Variants in TRIM2 observed in about 807,000 individuals in gnomAD.
The protein encoded by TRIM2 is tripartite motif containing 2.
Under a neutral mutation model 75.2 loss-of-function variants are expected in TRIM2, and 20 were observed. That is an observed-to-expected ratio of 0.27 (90% CI 0.19 to 0.39). The LOEUF (loss-of-function observed/expected upper bound fraction) is 0.39, where lower values mean the gene tolerates loss of function less well. Among genes scored for constraint, TRIM2 ranks in the 10% least tolerant of loss-of-function variants. The pLI, the probability that TRIM2 is intolerant of heterozygous loss-of-function variation, is 1.00. For missense variants in TRIM2, 660 were observed against 990.8 expected (o/e 0.67, Z 4.48); for synonymous variants, 373 against 388.3 (o/e 0.96, Z 0.46).
intron 1 of TRIM2, among the ~76,000 whole-genome samples, chr4:153,225,226 A>G (rs1741788075): frequency 6.6e-6 from 1 of 152,198 alleles, no homozygotes; most frequent in South Asian, 2.1e-4. Flanking sequence ...TTTATATCAA[A>G]TATGTCTTAG....
chr4:153,335,241 T>C lies in TRIM2; in HGVS notation c.*275T>C, dbSNP rs1435478929. On this transcript the variant is annotated 3_prime_UTR_variant, in exon 12 of 12. Transcript: ENST00000338700. ...GCTTAAGGGACAGGATTTATGTAGC[T>C]AAACTAATTTTGCAAATCAAACAGA... The C allele has an allele frequency of 9.0e-7, 1 of 1,107,796 alleles. No homozygotes were observed. Among genetic ancestry groups the C allele is most frequent in the African/African-American group, 1.7e-5 (1 of 60,268 alleles). The allele number at this position is 1,107,796 out of a possible 1,614,324, so 68.6% of individuals were successfully genotyped here.
intron 7 of TRIM2, 121 bp from the exon 8 acceptor site, chr4:153,315,711 T>G: frequency 6.8e-7 from 1 of 1,467,650 alleles, no homozygotes; most frequent in Admixed American, 1.9e-5. Context: ...TTATGTAGAC[T>G]TTTCTTCAAA....
intron 1 of TRIM2, among the ~76,000 whole-genome samples, chr4:153,168,257 A>G (rs1287389856): frequency 6.6e-6 from 1 of 152,232 alleles, no homozygotes; most frequent in Non-Finnish European, 1.5e-5. Context: ...AAATATTTCT[A>G]TAAGGAAAGT....
intron 6 of TRIM2, among the ~76,000 whole-genome samples, chr4:153,312,216 T>A (rs1487542579): frequency 6.6e-6 from 1 of 151,774 alleles, no homozygotes; most frequent in Non-Finnish European, 1.5e-5. Context: ...TTTCCAATTT[T>A]ATCCATGTCC....
chr4:153,184,613 A>T (rs1732408142), intron 1 of TRIM2, among the ~76,000 whole-genome samples: 1 of 152,148 alleles, frequency 6.6e-6, no homozygotes, highest in South Asian at 2.1e-4. Context: ...CAGTCTCCCC[A>T]GTGTGGCCTG....
chr4:153,152,393 CATATATATATGTGTGTATATATAT>C (rs917361663), upstream of TRIM2: 22 of 88,912 alleles, frequency 2.5e-4, no homozygotes, highest in African/African-American at 8.3e-4. Flanking sequence ...TCTTTTTATA[CATATATATATGTGTGTATATATAT>C]ATATATATAT....
intron 8 of TRIM2, among the ~76,000 whole-genome samples, chr4:153,321,788 C>T (rs1769043935): frequency 6.6e-6 from 1 of 152,122 alleles, no homozygotes; most frequent in South Asian, 2.1e-4. Context: ...GATGGCTTCC[C>T]TACAGTGACT....
At chr4:153,184,503 G>A (rs77426601) in intron 1 of TRIM2, among the ~76,000 whole-genome samples, 5,912 of 152,242 alleles carry the variant, frequency 0.039, 184 homozygotes, top group South Asian at 0.061. Context: ...TTCAATGGAT[G>A]CATTTAGAGT....
chr4:153,247,027 A>C (rs1749361115), intron 1 of TRIM2, among the ~76,000 whole-genome samples: 1 of 152,188 alleles, frequency 6.6e-6, no homozygotes, highest in Non-Finnish European at 1.5e-5. Flanking sequence ...ACGATGACTT[A>C]CATCAAAGGG....
chr4:153,154,167 C>T (rs1038237251), intron 1 of TRIM2, among the ~76,000 whole-genome samples: 2 of 152,192 alleles, frequency 1.3e-5, no homozygotes, highest in Non-Finnish European at 2.9e-5. Flanking sequence ...CACAGAGTCA[C>T]GTGGTTTCAG....
intron 1 of TRIM2, among the ~76,000 whole-genome samples, chr4:153,194,583 G>A (rs1733570873): frequency 6.6e-6 from 1 of 152,158 alleles, no homozygotes; most frequent in Admixed American, 6.5e-5. Flanking sequence ...TGGAGCTGGG[G>A]GATGCAGGAA....
chr4:153,325,971 A>T (rs1770078797), intron 10 of TRIM2, among the ~76,000 whole-genome samples: 1 of 152,240 alleles, frequency 6.6e-6, no homozygotes, highest in South Asian at 2.1e-4. Context: ...AGGTACATAT[A>T]AAGTTTCCTA....
intron 1 of TRIM2, among the ~76,000 whole-genome samples, chr4:153,158,645 A>G (rs1248178399): frequency 6.6e-6 from 1 of 152,232 alleles, no homozygotes; most frequent in African/African-American, 2.4e-5. Flanking sequence ...AAACAAAGAC[A>G]GTGTCAGGTG....
chr4:153,329,192 C>T (rs925080131), intron 11 of TRIM2, among the ~76,000 whole-genome samples: 3 of 152,090 alleles, frequency 2.0e-5, no homozygotes, highest in African/African-American at 7.2e-5. Context: ...TAGAAGCACA[C>T]ACATATTGCT....
chr4:153,174,752 A>T (rs1312193751), intron 1 of TRIM2, among the ~76,000 whole-genome samples: 1 of 152,260 alleles, frequency 6.6e-6, no homozygotes, highest in African/African-American at 2.4e-5. Context: ...AGAGCTCGGC[A>T]GTATGTGAAT....
chr4:153,324,223 A>G lies in TRIM2; in HGVS notation c.2022+75A>G. 3.1e-6 allele frequency: 4 copies of G among 1,287,492 alleles called. No homozygotes were observed. The South Asian group carries it at 3.8e-5, about 12-fold the overall frequency. The allele number at this position is 1,287,492 out of a possible 1,614,324, so 79.8% of individuals were successfully genotyped here. The stretch of plus-strand genomic sequence containing the variant: ...AAATTGGTCTGCGAGAAAATAATGC[A>G]ATACTTACATATGGCACCAAAGGGA... On this transcript the variant is annotated intron_variant, in intron 10 of 11. Coordinates refer to ENST00000338700, the MANE Select transcript of TRIM2 (RefSeq NM_015271.5).
intron 6 of TRIM2, among the ~76,000 whole-genome samples, chr4:153,296,472 G>A (rs1340031847): frequency 6.6e-6 from 1 of 152,204 alleles, no homozygotes; most frequent in Non-Finnish European, 1.5e-5. Flanking sequence ...GAGGCTGTAC[G>A]GTTGGCAGAG....
rs1762696165 is a variant in TRIM2 at position 153,296,049 on chromosome 4, C to T, written c.1510+13C>T. ...ATCTTTCGAGTGGGTAAGGAGAGGG[C>T]TTCTGTGCCCGACGCCTGAGCTGGC... On this transcript the variant is annotated intron_variant, in intron 6 of 11. Coordinates refer to ENST00000338700, the MANE Select transcript of TRIM2 (RefSeq NM_015271.5). 3 of 1,514,636 alleles carry T rather than the reference C, an allele frequency of 2.0e-6. No homozygotes were observed. Among genetic ancestry groups the T allele is most frequent in the Admixed American group, 4.5e-5 (2 of 43,990 alleles). The allele number at this position is 1,514,636 out of a possible 1,614,324, so 93.8% of individuals were successfully genotyped here.
intron 1 of TRIM2, among the ~76,000 whole-genome samples, chr4:153,253,389 A>C (rs531297856): frequency 5.9e-5 from 9 of 152,262 alleles, no homozygotes; most frequent in African/African-American, 2.2e-4. Flanking sequence ...ACCCACCCCC[A>C]CACACACTGG....
Sources: allele counts gnomAD v4.1 joint callset (sites outside exome capture counted in the v4.1 genomes callset), GRCh38; gene constraint gnomAD v4.1.1; transcripts MANE v1.5; gene names NCBI Gene and HGNC (gene_info 2026-07-23, HGNC 2026-07-21).